RBPJ: variants seen among roughly 807,000 people sequenced by gnomAD.
The protein encoded by RBPJ is recombining binding protein suppressor of hairless.
In RBPJ, 9 loss-of-function variants were observed where a neutral mutation model predicts 67.8. That is an observed-to-expected ratio of 0.13 (90% confidence interval 0.08 to 0.23). The LOEUF (loss-of-function observed/expected upper bound fraction) is 0.23, where lower values mean the gene tolerates loss of function less well. Among genes scored for constraint, RBPJ ranks in the 10% least tolerant of loss-of-function variants. The pLI is 1.00. For synonymous variants in RBPJ, 198 were observed against 203.3 expected (o/e 0.97, Z 0.22); for missense variants, 305 against 595.6 (o/e 0.51, Z 5.08).
chr4:26,174,532 C>T (rs912143697), intron 1 of RBPJ, among the ~76,000 whole-genome samples: 7 of 152,182 alleles, frequency 4.6e-5, no homozygotes, highest in South Asian at 4.1e-4. Context: ...TGCAGTGGTG[C>T]GATCTCACCT....
At chr4:26,242,727 A>G (rs1719689596) in intron 1 of RBPJ, among the ~76,000 whole-genome samples, 1 of 150,222 alleles carries the variant, frequency 6.7e-6, no homozygotes, top group Non-Finnish European at 1.5e-5. Context: ...AAAAAAAAAA[A>G]GTCCAAGTTT....
the RBPJ span, among the ~76,000 whole-genome samples, chr4:26,125,183 C>T: frequency 2.0e-5 from 3 of 152,200 alleles, no homozygotes; most frequent in Non-Finnish European, 4.4e-5. Context: ...TCTGGCCACA[C>T]CTAGCTGCAA....
rs539128208 is a variant in RBPJ at position 26,163,765 on chromosome 4, C to T, written c.-167+151C>T. 2.0e-5 allele frequency among the ~76,000 whole-genome samples: 3 copies of T among 152,344 alleles called. No individual in the cohort carries two copies. In the East Asian group the frequency reaches 5.8e-4, roughly 29 times the overall value. On this transcript the variant is annotated intron_variant, in intron 1 of 4. Coordinates refer to the RBPJ transcript ENST00000512351. ...TAACCAACTCCTTTACCATTGAAAT[C>T]TCTGCATGGTAGTGTTCTGGTTATA...
At chr4:26,232,798 T>C (rs1168862977) in intron 1 of RBPJ, among the ~76,000 whole-genome samples, 3 of 152,254 alleles carry the variant, frequency 2.0e-5, no homozygotes, top group African/African-American at 7.2e-5. Context: ...CTTGGATCTC[T>C]CTGTGCTTCA....
chr4:26,252,842 T>C (rs1720158545), intron 1 of RBPJ, among the ~76,000 whole-genome samples: 1 of 152,298 alleles, frequency 6.6e-6, no homozygotes, highest in African/African-American at 2.4e-5. Flanking sequence ...TCTACTCCAA[T>C]GTCAGAGAAT....
chr4:26,279,785 CTTTTTTTTTTT>C (rs1026614295), intron 1 of RBPJ, among the ~76,000 whole-genome samples: 1 of 116,662 alleles, frequency 8.6e-6, no homozygotes, highest in African/African-American at 3.2e-5. Flanking sequence ...TTGAAATTGT[CTTTTTTTTTTT>C]TTTTTTTTTG....
At chr4:26,215,381 G>C (rs186718762) in intron 1 of RBPJ, among the ~76,000 whole-genome samples, 4,627 of 74,100 alleles carry the variant, frequency 0.062, 156 homozygotes, top group Middle Eastern at 0.11. Flanking sequence ...GAAGAAGGGA[G>C]GGAGGGAGAG....
chr4:26,240,919 G>T (rs1719613425), intron 1 of RBPJ, among the ~76,000 whole-genome samples: 1 of 152,146 alleles, frequency 6.6e-6, no homozygotes, highest in Non-Finnish European at 1.5e-5. Context: ...AAAGTGGGGT[G>T]CAGAAAGCAA....
the RBPJ span, among the ~76,000 whole-genome samples, chr4:26,116,689 G>T: frequency 6.6e-6 from 1 of 152,194 alleles, no homozygotes; most frequent in Non-Finnish European, 1.5e-5. Context: ...CCCACACAAG[G>T]TGCTGTAAAG....
At chr4:26,132,328 C>G in the RBPJ span, among the ~76,000 whole-genome samples, 1 of 152,090 alleles carries the variant, frequency 6.6e-6, no homozygotes, top group African/African-American at 2.4e-5. Context: ...CAGTAAGAAC[C>G]CTCTTCCCCC....
chr4:26,343,005 C>T (rs1220578215), intron 1 of RBPJ: 1 of 152,128 alleles, frequency 6.6e-6, no homozygotes, highest in African/African-American at 2.4e-5. Context: ...AAAGTCTCTG[C>T]TGTCAAATTT....
At chr4:26,200,023 C>G (rs971823074) in intron 1 of RBPJ, among the ~76,000 whole-genome samples, 1 of 152,188 alleles carries the variant, frequency 6.6e-6, no homozygotes, top group Non-Finnish European at 1.5e-5. Flanking sequence ...GCTCCAGCAA[C>G]GTTTCCACGT....
chr4:26,329,776 C>T (rs1367630433), intron 1 of RBPJ, among the ~76,000 whole-genome samples: 1 of 152,018 alleles, frequency 6.6e-6, no homozygotes, highest in Non-Finnish European at 1.5e-5. Context: ...CGCCTGTAGT[C>T]ACAGCTACTT....
chr4:26,364,193 T>A (rs1287142361), intron 1 of RBPJ, among the ~76,000 whole-genome samples: 1 of 152,230 alleles, frequency 6.6e-6, no homozygotes, highest in Non-Finnish European at 1.5e-5. Flanking sequence ...TCTACCTTAA[T>A]GTTAAAATCC....
intron 1 of RBPJ, among the ~76,000 whole-genome samples, chr4:26,201,450 G>A (rs1247719746): frequency 6.6e-6 from 1 of 152,172 alleles, no homozygotes; most frequent in Non-Finnish European, 1.5e-5. Context: ...CTTTACAGGT[G>A]CCACAATTTC....
intron 1 of RBPJ, among the ~76,000 whole-genome samples, chr4:26,333,995 A>G (rs1724527308): frequency 6.6e-6 from 1 of 151,790 alleles, no homozygotes; most frequent in Non-Finnish European, 1.5e-5. Context: ...TAATTTTGTC[A>G]GGGCATCCCT....
At chr4:26,347,672 ATAG>A (rs1726307522) in intron 1 of RBPJ, among the ~76,000 whole-genome samples, 7 of 152,294 alleles carry the variant, frequency 4.6e-5, no homozygotes, top group African/African-American at 1.4e-4. Context: ...GAGTGGAGCC[ATAG>A]GTGTTAAGGT....
intron 1 of RBPJ, among the ~76,000 whole-genome samples, chr4:26,304,658 CA>C (rs1722175842): frequency 6.6e-6 from 1 of 152,082 alleles, no homozygotes; most frequent in Non-Finnish European, 1.5e-5. Context: ...AATATGTATT[CA>C]GATCTTTTGC....
chr4:26,345,608 C>A (rs1200110167), intron 1 of RBPJ, among the ~76,000 whole-genome samples: 1 of 152,174 alleles, frequency 6.6e-6, no homozygotes, highest in Non-Finnish European at 1.5e-5. Context: ...GTTCCTACAT[C>A]CCTGGGGAGA....
Sources: gnomAD v4.1 joint callset for allele counts (sites outside exome capture counted in the v4.1 genomes callset) on GRCh38, gnomAD v4.1.1 for gene constraint, MANE v1.5 for transcripts, NCBI Gene and HGNC (gene_info 2026-07-23, HGNC 2026-07-21) for gene names.